Variants in TENT2 observed in about 807,000 individuals in gnomAD.
TENT2 encodes poly(A) RNA polymerase GLD2.
TENT2 carries 44 observed loss-of-function variants against 72.2 expected under a neutral mutation model. The observed-to-expected ratio is 0.61, with a 90% CI of 0.48 to 0.78. The LOEUF (loss-of-function observed/expected upper bound fraction) is 0.78, where lower values mean the gene tolerates loss of function less well. Ranked by LOEUF, TENT2 falls within the 30% of genes least tolerant of loss-of-function variation. The pLI is 0.00. For missense variants in TENT2, 541 were observed against 569.6 expected (o/e 0.95, Z 0.51); for synonymous variants, 212 against 192.5 (o/e 1.10, Z -0.84).
chr5:79,646,410 C>T (rs1442761575), intron 8 of TENT2, among the ~76,000 whole-genome samples: 1 of 151,594 alleles, frequency 6.6e-6, no homozygotes, highest in African/African-American at 2.4e-5. Flanking sequence ...CCTGTGCTTA[C>T]CCTAGGAGCA....
In TENT2 at chr5:79,668,937, C is replaced by T; in HGVS notation, c.1117C>T (p.Pro373Ser). 6.2e-7 allele frequency: 1 copy of T among 1,613,744 alleles called. No individual in the cohort carries two copies. The highest frequency in any genetic ancestry group is 2.2e-5 in the East Asian group (1 of 44,840). ...AIQLHLVHQA[P>S]CNVPPYLSKN... ...ACAGCTGCACCTTGTACATCAAGCT[C>T]CATGTAATGTTCCTCCTTACCTCTC... is the stretch of plus-strand genomic sequence containing the variant. The change falls in exon 12 of 15, where the codon CCA (proline) becomes TCA (serine). Residue 373 changes from proline to serine, a missense_variant. Transcript: ENST00000453514.
intron 12 of TENT2, among the ~76,000 whole-genome samples, chr5:79,670,801 A>G (rs540149964): frequency 2.0e-5 from 3 of 150,378 alleles, no homozygotes; most frequent in Non-Finnish European, 3.0e-5. Context: ...AGTGATTCCC[A>G]TGGATTTCAG....
At chr5:79,658,001 GAGA>G (rs1486359736) in intron 11 of TENT2, among the ~76,000 whole-genome samples, 4 of 152,190 alleles carry the variant, frequency 2.6e-5, no homozygotes, top group Admixed American at 2.6e-4. Context: ...TCTGATAATT[GAGA>G]AGAACCAATG....
At chr5:79,662,712 T>A (rs1804025073) in intron 11 of TENT2, among the ~76,000 whole-genome samples, 1 of 152,164 alleles carries the variant, frequency 6.6e-6, no homozygotes, top group Non-Finnish European at 1.5e-5. Context: ...TTTTTCCATT[T>A]ATAGAGCACT....
At chr5:79,675,231 A>C (rs1816307552) in intron 12 of TENT2, among the ~76,000 whole-genome samples, 1 of 152,236 alleles carries the variant, frequency 6.6e-6, no homozygotes, top group Admixed American at 6.5e-5. Context: ...TGTTTGAGTT[A>C]AGAATGGTTG....
chr5:79,661,857 T>G (rs920893730), intron 11 of TENT2, among the ~76,000 whole-genome samples: 1 of 152,236 alleles, frequency 6.6e-6, no homozygotes, highest in Non-Finnish European at 1.5e-5. Flanking sequence ...TGATGATCTT[T>G]GCTAGCATTT....
At chr5:79,672,886 G>A (rs1234685042) in intron 12 of TENT2, among the ~76,000 whole-genome samples, 1 of 152,174 alleles carries the variant, frequency 6.6e-6, no homozygotes, top group Non-Finnish European at 1.5e-5. Context: ...CCTCCAAACT[G>A]TTCTTCATAA....
intron 11 of TENT2, 91 bp downstream of exon 11, chr5:79,657,092 T>TA: frequency 1.2e-6 from 1 of 838,008 alleles, no homozygotes; most frequent in Non-Finnish European, 1.9e-6. Context: ...ATAAAAGTAG[T>TA]AAGGCTAAGT....
At position 79,668,950 on chromosome 5, in the gene TENT2, C is replaced by T. The variant is rs748272935; in HGVS notation, c.1130C>T (p.Pro377Leu). 1.4e-5 allele frequency: 23 copies of T among 1,613,554 alleles called. No individual in the cohort carries two copies. Among genetic ancestry groups the T allele is most frequent in the Admixed American group, 5.0e-5 (3 of 59,984 alleles). Reference sequence around the variant, plus strand: ...GTACATCAAGCTCCATGTAATGTTCCTCCTTACCTCTCAAAGAATGAATCA... The same window carrying T: ...GTACATCAAGCTCCATGTAATGTTCTTCCTTACCTCTCAAAGAATGAATCA... ...HLVHQAPCNV[P>L]PYLSKNESNL... Residue 377 changes from proline (P) to leucine (L), a missense_variant, in exon 12 of 15, where the codon CCT becomes CTT. Coordinates refer to ENST00000453514, the MANE Select transcript of TENT2 (RefSeq NM_001114394.3).
intron 11 of TENT2, among the ~76,000 whole-genome samples, chr5:79,668,104 A>C (rs1309989346): frequency 6.6e-6 from 1 of 152,150 alleles, no homozygotes; most frequent in Non-Finnish European, 1.5e-5. Context: ...CGAGAGCCAG[A>C]ACTTGCTGTT....
At chr5:79,642,753 T>G in intron 6 of TENT2, 79 bp from the exon 7 acceptor site, 1 of 1,126,968 alleles carries the variant, frequency 8.9e-7, no homozygotes, top group South Asian at 1.4e-5. Flanking sequence ...TATGTTTTCT[T>G]TTTGTTGAGA....
Position 79,612,766 on chromosome 5 carries a change from A to C in TENT2, c.-347A>C, listed in dbSNP as rs1286174231. 6.6e-6 allele frequency: 1 copy of C among 152,298 alleles called. No individual in the cohort carries two copies. Among genetic ancestry groups the C allele is most frequent in the African/African-American group, 2.4e-5 (1 of 41,402 alleles). 9.4% of individuals were successfully genotyped at this position (152,298 alleles called of 1,614,324 possible). A position where few individuals can be genotyped will look rare whatever the true frequency, so the allele number is the denominator to read the frequency against. On this transcript the variant is annotated 5_prime_UTR_variant, in exon 1 of 15. Transcript: ENST00000453514. ...CCCTGCTTAGCCCTTCCCGGAGGAC[A>C]CCTGTGAGTTTAGGGGGTTTCGGAG...
At chr5:79,613,594 AGTGACGTTACTTT>A (rs1293742209) in intron 1 of TENT2, among the ~76,000 whole-genome samples, 19 of 152,198 alleles carry the variant, frequency 1.2e-4, no homozygotes, top group South Asian at 6.2e-4. Flanking sequence ...AGCCAGTAAT[AGTGACGTTACTTT>A]GTTGGTGTGA....
At position 79,623,414 on chromosome 5, in the gene TENT2, C is replaced by T; in HGVS notation, c.390C>T (p.Val130=). Reference sequence around the variant, plus strand: ...ATACACATTATGTACCAGATATAGTCAGATGTGTTCCACCTTTTCGAGAAA... The same window carrying T: ...ATACACATTATGTACCAGATATAGTTAGATGTGTTCCACCTTTTCGAGAAA... ...LFHTHYVPDI[V]RCVPPFREIA... The change falls in exon 4 of 15, where the codon GTC becomes GTT. Residue 130 remains valine (V), a synonymous_variant. Transcript: ENST00000453514. 3 of 1,612,634 alleles carry T rather than the reference C, an allele frequency of 1.9e-6. No individual in the cohort carries two copies. In the South Asian group the frequency reaches 3.3e-5, roughly 18 times the overall value.
intron 11 of TENT2, among the ~76,000 whole-genome samples, chr5:79,661,524 G>A (rs973469970): frequency 2.0e-5 from 3 of 152,322 alleles, no homozygotes; most frequent in Middle Eastern, 3.4e-3. Context: ...ACAATAAAGT[G>A]AGTCACATGA....
intron 4 of TENT2, among the ~76,000 whole-genome samples, chr5:79,631,062 T>A (rs1775069102): frequency 2.0e-5 from 3 of 152,192 alleles, no homozygotes; most frequent in Non-Finnish European, 1.5e-5. Context: ...GATTACAGTG[T>A]CTAAGCCTCT....
At chr5:79,646,708 C>G (rs1365495455) in intron 8 of TENT2, among the ~76,000 whole-genome samples, 2 of 150,672 alleles carry the variant, frequency 1.3e-5, no homozygotes, top group African/African-American at 4.9e-5. Flanking sequence ...GTTATAGTTA[C>G]AAAGGTAGTT....
intron 10 of TENT2, among the ~76,000 whole-genome samples, chr5:79,655,740 G>C (rs1797465932): frequency 7.0e-6 from 1 of 141,962 alleles, no homozygotes; most frequent in Non-Finnish European, 1.5e-5. Flanking sequence ...GGTAAGTAAT[G>C]ATTGAGTTTT....
At chr5:79,620,759 A>C (rs1466947050) in intron 3 of TENT2, 1 of 152,342 alleles carries the variant, frequency 6.6e-6, no homozygotes, top group African/African-American at 2.4e-5. Flanking sequence ...TAGGACTTCA[A>C]CATCTGAATT....
Sources: allele counts gnomAD v4.1 joint callset (sites outside exome capture counted in the v4.1 genomes callset), GRCh38; gene constraint gnomAD v4.1.1; transcripts MANE v1.5; gene names NCBI Gene and HGNC (gene_info 2026-07-23, HGNC 2026-07-21).